LRP2: variants seen among roughly 807,000 people sequenced by gnomAD.
The protein encoded by LRP2 is LDL receptor related protein 2, also known as low-density lipoprotein receptor-related protein 2.
In LRP2, 172 loss-of-function variants were observed where a neutral mutation model predicts 531.0. The ratio of observed to expected loss-of-function variants is 0.32; its 90% confidence interval spans 0.29 to 0.37. LRP2 has a LOEUF of 0.37. Among genes scored for constraint, LRP2 ranks in the 10% least tolerant of loss-of-function variants. The pLI is 1.00. For synonymous variants in LRP2, 1,992 were observed against 2,027.6 expected (o/e 0.98, Z 0.47); for missense variants, 5,167 against 5,868.3 (o/e 0.88, Z 3.90).
At chr2:169,196,763 T>C (rs1688017988) in intron 46 of LRP2, 148 bp downstream of exon 46, 1 of 1,077,092 alleles carries the variant, frequency 9.3e-7, no homozygotes, top group Non-Finnish European at 1.4e-6. Context: ...GAATATCCGC[T>C]GAGCGGTGTC....
intron 20 of LRP2, 58 bp from the exon 21 acceptor site, chr2:169,247,044 G>A (rs1036055986): frequency 4.4e-6 from 7 of 1,587,800 alleles, no homozygotes; most frequent in Middle Eastern, 1.8e-4. Context: ...GGTAGGTCAC[G>A]GGTTTGATTT....
In LRP2 at chr2:169,137,804, G is replaced by T. The variant is rs181295214; in HGVS notation, c.13519-311C>A. The stretch of plus-strand genomic sequence containing the variant: ...TCTTAAATAACTCACTTGGGAATTG[G>T]GTCTGGGCCACAGAGAAAAGGATAA... On this transcript the variant is annotated intron_variant, in intron 75 of 78. Transcript: ENST00000649046. 1.6e-3 allele frequency among the ~76,000 whole-genome samples: 240 copies of T among 152,066 alleles called. 3 individuals are homozygous for T. In the East Asian group the frequency reaches 0.017, roughly 11 times the overall value.
chr2:169,227,070 G>A (rs1380003954), intron 31 of LRP2, among the ~76,000 whole-genome samples: 2 of 152,034 alleles, frequency 1.3e-5, no homozygotes, highest in African/African-American at 2.4e-5. Context: ...ACACTACAAA[G>A]TGTTGCCTAG....
intron 13 of LRP2, among the ~76,000 whole-genome samples, chr2:169,276,892 GA>G (rs945071101): frequency 1.3e-5 from 2 of 151,540 alleles, no homozygotes; most frequent in South Asian, 2.1e-4. Flanking sequence ...GTAAAAAGAT[GA>G]AAAAAAATAT....
rs183829430 is a variant in LRP2, at chr2:169,230,598, T to C, written c.5227+1116A>G. ...TTGAACTTGTCTACAGCAATTTTCA[T>C]CAGTATCAAAATATATTCATTCAGT... is the stretch of plus-strand genomic sequence containing the variant. On this transcript the variant is annotated intron_variant, in intron 31 of 78. Coordinates refer to ENST00000649046, the MANE Select transcript of LRP2 (RefSeq NM_004525.3). Among the ~76,000 whole-genome samples the C allele has an allele frequency of 1.5e-3, 235 of 152,350 alleles. 3 individuals carry two copies. The highest frequency in any genetic ancestry group is 0.011 in the East Asian group (56 of 5,192).
chr2:169,186,786 T>G (rs983313432), intron 49 of LRP2, among the ~76,000 whole-genome samples: 4 of 152,214 alleles, frequency 2.6e-5, no homozygotes, highest in African/African-American at 9.7e-5. Context: ...TGAGACCTAC[T>G]GAGATCACTT....
rs150894703 is a variant in LRP2 at position 169,191,762 on chromosome 2, G to A, written c.9032+70C>T. ...TGGGCACTGTGGCCACGGGGTGCCT[G>A]ATAGGTAAGTGAGCCCAGCCCCCAT... On this transcript the variant is annotated intron_variant, in intron 48 of 78. Transcript: ENST00000649046. 2.6e-3 allele frequency: 3,593 copies of A among 1,364,768 alleles called. 6 individuals carry two copies. The highest frequency in any genetic ancestry group is 2.9e-3 in the South Asian group (248 of 85,902). 84.5% of individuals were successfully genotyped at this position (1,364,768 alleles called of 1,614,324 possible).
Position 169,233,608 on chromosome 2 carries a change from A to AG in LRP2, c.4921-21dup. On this transcript the variant is annotated intron_variant, in intron 29 of 78. Coordinates refer to ENST00000649046, the MANE Select transcript of LRP2 (RefSeq NM_004525.3). The stretch of plus-strand genomic sequence containing the variant: ...TATAATCTGTGAGGCAGAAGAGAAC[A>AG]GTGAGACCTCATCCAAAAATCAAAG... The AG allele has an allele frequency of 6.2e-7, 1 of 1,612,944 alleles. No individual in the cohort carries two copies. Among genetic ancestry groups the AG allele is most frequent in the South Asian group, 1.1e-5 (1 of 91,064 alleles).
At chr2:169,205,931 A>G (rs1291004810) in intron 40 of LRP2, 92 bp downstream of exon 40, 1 of 1,494,328 alleles carries the variant, frequency 6.7e-7, no homozygotes, top group Non-Finnish European at 9.3e-7. Context: ...TTATAAGCCC[A>G]TAACACATTG....
intron 48 of LRP2, among the ~76,000 whole-genome samples, chr2:169,189,729 T>C (rs1687765649): frequency 6.6e-6 from 1 of 152,072 alleles, no homozygotes; most frequent in Non-Finnish European, 1.5e-5. Context: ...ACAGCACACC[T>C]AGTAGAGGCT....
chr2:169,320,757 C>T lies in LRP2; in HGVS notation c.187+20G>A, dbSNP rs773242889. ...TTAGGTTACTCAAAATAGAACTTAG[C>T]CTGGCCCCTCCTCACTTACCGCAGC... On this transcript the variant is annotated intron_variant, in intron 2 of 78. Coordinates refer to ENST00000649046, the MANE Select transcript of LRP2 (RefSeq NM_004525.3). The T allele has an allele frequency of 6.3e-6, 10 of 1,592,746 alleles. No homozygotes were observed. Among genetic ancestry groups the T allele is most frequent in the Non-Finnish European group, 6.9e-6 (8 of 1,160,698 alleles).
chr2:169,260,019 A>C (rs1427172422), intron 16 of LRP2, among the ~76,000 whole-genome samples: 13 of 152,150 alleles, frequency 8.5e-5, no homozygotes, highest in Admixed American at 8.5e-4. Context: ...ATGAGCACTT[A>C]CTAGGTGGCA....
chr2:169,354,232 C>T (rs1685931522), intron 1 of LRP2, among the ~76,000 whole-genome samples: 1 of 152,196 alleles, frequency 6.6e-6, no homozygotes, highest in Non-Finnish European at 1.5e-5. Flanking sequence ...TTCAAAAGTA[C>T]ACATGCTCTT....
intron 1 of LRP2, among the ~76,000 whole-genome samples, chr2:169,340,863 G>C (rs1178672721): frequency 6.6e-6 from 1 of 152,126 alleles, no homozygotes; most frequent in Non-Finnish European, 1.5e-5. Flanking sequence ...AACACATGCT[G>C]TTCTTTTGAC....
Position 169,213,842 on chromosome 2 carries a change from T to C in LRP2, c.5855A>G (p.Asp1952Gly). ...AAGCTGGTGTACCAGGATCATTCGA[T>C]CTGTTCCATCCACGTTTCCTCTTTC... ...VIERGNVDGT[D>G]RMILVHQLSH... Residue 1952 changes from aspartate (D) to glycine (G), a missense_variant, in exon 36 of 79, where the codon GAT becomes GGT. Asp to Gly is a moderately conservative substitution (Grantham distance 94). Transcript: ENST00000649046. The C allele has an allele frequency of 6.2e-7, 1 of 1,613,694 alleles. No individual in the cohort carries two copies.
chr2:169,322,306 G>C (rs995371371), intron 1 of LRP2, among the ~76,000 whole-genome samples: 2 of 152,162 alleles, frequency 1.3e-5, no homozygotes, highest in Admixed American at 1.3e-4. Flanking sequence ...TTTGTTCATG[G>C]AATGTTCAAA....
intron 24 of LRP2, among the ~76,000 whole-genome samples, chr2:169,241,977 A>C (rs1057126954): frequency 6.6e-6 from 1 of 152,224 alleles, no homozygotes; most frequent in African/African-American, 2.4e-5. Flanking sequence ...GGATCTCACA[A>C]GGCAACAGCA....
chr2:169,186,531 C>A (rs1407398774), intron 49 of LRP2, among the ~76,000 whole-genome samples: 1 of 152,218 alleles, frequency 6.6e-6, no homozygotes, highest in Admixed American at 6.5e-5. Flanking sequence ...AAATGATCTA[C>A]AGAGGGAGGA....
intron 76 of LRP2, 95 bp downstream of exon 76, chr2:169,137,297 T>C: frequency 1.1e-6 from 1 of 939,778 alleles, no homozygotes; most frequent in South Asian, 1.3e-5. Context: ...TTCCTTCCCT[T>C]TGGAGGGAAG....
Sources: allele counts gnomAD v4.1 joint callset (sites outside exome capture counted in the v4.1 genomes callset), GRCh38; gene constraint gnomAD v4.1.1; transcripts MANE v1.5; gene names NCBI Gene and HGNC (gene_info 2026-07-23, HGNC 2026-07-21).